ZMYM6: variants seen among roughly 807,000 people sequenced by gnomAD.
ZMYM6 encodes the protein zinc finger MYM-type containing 6, also known as zinc finger MYM-type protein 6.
ZMYM6 carries 90 observed loss-of-function variants against 134.0 expected under a neutral mutation model. The ratio of observed to expected loss-of-function variants is 0.67; its 90% CI spans 0.57 to 0.80. ZMYM6 has a LOEUF of 0.80. Ranked by LOEUF, ZMYM6 falls within the 30% of genes least tolerant of loss-of-function variation. The probability of loss-of-function intolerance (pLI) is 0.00; values close to 1 mark genes in which losing one functional copy is unlikely to be tolerated. For synonymous variants in ZMYM6, 481 were observed against 524.1 expected (o/e 0.92, Z 1.12); for missense variants, 1,362 against 1,533.9 (o/e 0.89, Z 1.87).
intron 15 of ZMYM6, among the ~76,000 whole-genome samples, chr1:34,991,221 TAC>T (rs1219268335): frequency 6.6e-6 from 1 of 151,668 alleles, no homozygotes; most frequent in African/African-American, 2.4e-5. Flanking sequence ...CACACAAACA[TAC>T]ACACACACAT....
chr1:35,000,280 C>G (rs149711454), intron 14 of ZMYM6, among the ~76,000 whole-genome samples: 1 of 150,502 alleles, frequency 6.6e-6, no homozygotes, highest in East Asian at 2.0e-4. Flanking sequence ...GTCTCTGTCA[C>G]CCAAGCTGGA....
intron 2 of ZMYM6, among the ~76,000 whole-genome samples, chr1:35,027,734 CA>C (rs1557591179): frequency 6.7e-6 from 1 of 149,436 alleles, no homozygotes; most frequent in Non-Finnish European, 1.5e-5. Context: ...AAAAAGGAAA[CA>C]AAAAAAAGAG....
intron 6 of ZMYM6, chr1:35,013,642 T>A (rs1365400826): frequency 1.0e-6 from 1 of 985,256 alleles, no homozygotes; most frequent in African/African-American, 1.7e-5. Flanking sequence ...ACTTGCTAAC[T>A]GAAAAAAAGT....
chr1:35,007,460 C>G (rs961385082), intron 11 of ZMYM6, among the ~76,000 whole-genome samples: 1 of 152,022 alleles, frequency 6.6e-6, no homozygotes, highest in African/African-American at 2.4e-5. Flanking sequence ...TGGTGGCGCA[C>G]GCCTGTAATC....
intron 2 of ZMYM6, among the ~76,000 whole-genome samples, chr1:35,029,938 C>T (rs1239296596): frequency 3.9e-5 from 6 of 152,178 alleles, no homozygotes; most frequent in African/African-American, 1.2e-4. Flanking sequence ...ATAAGCTCTA[C>T]AAGGGAAGGG....
In ZMYM6 at chr1:35,012,069, T is replaced by TATC. The variant is rs1437629040; in HGVS notation, c.947-65_947-64insGAT. 1.3e-5 allele frequency: 13 copies of TATC among 1,004,226 alleles called. No individual in the cohort carries two copies. In the Admixed American group the frequency reaches 3.2e-4, roughly 25 times the overall value. 62.2% of individuals were successfully genotyped at this position (1,004,226 alleles called of 1,614,324 possible). A position where few individuals can be genotyped will look rare whatever the true frequency, so the allele number is the denominator to read the frequency against. ...CCAATGAACAAACAATACAAAAATG[T>TATC]ATTGGGAGAATGAAAAAATTAAATA... On this transcript the variant is annotated intron_variant, in intron 7 of 15. Coordinates refer to ENST00000357182, the MANE Select transcript of ZMYM6 (RefSeq NM_007167.4).
chr1:35,014,988 A>C lies in ZMYM6; in HGVS notation c.603T>G (p.Asp201Glu), dbSNP rs767734774. The change falls in exon 5 of 16, where the codon GAT becomes GAG. Residue 201 changes from aspartate to glutamate, a missense_variant and splice_region_variant. Transcript: ENST00000357182. ...CCAATAAAAGTAAAATGTAACTTACATCAGCATTCTTCTGACACATACTGC... is the reference window on the plus strand; with the variant it reads ...CCAATAAAAGTAAAATGTAACTTACCTCAGCATTCTTCTGACACATACTGC... ...TKCSMCQKNA[D>E]TRFEVKYQNV... The C allele has an allele frequency of 1.2e-6, 2 of 1,610,578 alleles. No homozygotes were observed. The highest frequency in any genetic ancestry group is 1.7e-5 in the Admixed American group (1 of 58,586).
rs370499824 is a variant in ZMYM6 at position 34,988,847 on chromosome 1, A to G, written c.2235T>C (p.Asp745=). 2.6e-5 allele frequency: 41 copies of G among 1,594,414 alleles called. No individual in the cohort carries two copies. In the African/African-American group the frequency reaches 5.0e-4, roughly 19 times the overall value. ...TAAAACCAACTTTTAAATATTCTGT[A>G]TCATAAGTCTGGAAAAAACCTAATC... ...KKRLGFFQTY[D]TEYLKVGFII... The change falls in exon 16 of 16, where the codon GAT becomes GAC. Residue 745 remains aspartate (D), a synonymous_variant. Transcript: ENST00000357182.
At chr1:34,993,187 C>G (rs1242256301) in intron 14 of ZMYM6, among the ~76,000 whole-genome samples, 1 of 151,302 alleles carries the variant, frequency 6.6e-6, no homozygotes, top group Non-Finnish European at 1.5e-5. Context: ...TCTCAGCTCA[C>G]TGCAACCTTC....
rs1300787228 is a variant in ZMYM6 at position 35,015,041 on chromosome 1, T to C, written c.550A>G (p.Ile184Val). Residue 184 changes from isoleucine (I) to valine (V), a missense_variant, in exon 5 of 16, where the codon ATA becomes GTA. Physicochemically the swap from Ile to Val is conservative, Grantham distance 29. Transcript: ENST00000357182. ...TTAGTTGAAATGCTTTTGGTATATA[T>C]GGTAACAACAGGTTTTTTCTTTAGC... ...YELKKKPVVT[I>V]YTKSISTKCS... 2 of 1,613,748 alleles carry C rather than the reference T, an allele frequency of 1.2e-6. No individual in the cohort carries two copies. Among genetic ancestry groups the C allele is most frequent in the Non-Finnish European group, 1.7e-6 (2 of 1,179,938 alleles).
chr1:34,999,223 G>A (rs948334181), intron 14 of ZMYM6, among the ~76,000 whole-genome samples: 5 of 152,176 alleles, frequency 3.3e-5, no homozygotes, highest in African/African-American at 9.7e-5. Context: ...AAGAAAGGAG[G>A]AAAGAGTGAC....
At chr1:34,996,434 TTC>T (rs1419810590) in intron 14 of ZMYM6, among the ~76,000 whole-genome samples, 1 of 152,230 alleles carries the variant, frequency 6.6e-6, no homozygotes, top group Non-Finnish European at 1.5e-5. Flanking sequence ...AATTCAAAGA[TTC>T]ACGTAATACA....
At chr1:35,022,745 AT>A (rs141534436) in intron 2 of ZMYM6, among the ~76,000 whole-genome samples, 4,992 of 152,246 alleles carry the variant, frequency 0.033, 242 homozygotes, top group African/African-American at 0.1. Flanking sequence ...TATTTGGATA[AT>A]TTGATTAATG....
intron 4 of ZMYM6, among the ~76,000 whole-genome samples, chr1:35,015,791 A>G (rs2148456041): frequency 6.7e-6 from 1 of 148,952 alleles, no homozygotes; most frequent in South Asian, 2.1e-4. Context: ...AGACAAAAAT[A>G]GGAAGGCTTC....
chr1:35,030,651 A>G lies in ZMYM6; in HGVS notation c.-12T>C. ...AAAGGTTCTTTCATTCTAATTTTTT[A>G]CCTCAAAGAGTGTCTCAGGCTCAAA... On this transcript the variant is annotated 5_prime_UTR_variant, in exon 2 of 16. The change abolishes the stop of an existing upstream ORF in the 5' untranslated region. Coordinates refer to ENST00000357182, the MANE Select transcript of ZMYM6 (RefSeq NM_007167.4). The G allele has an allele frequency of 2.5e-6, 4 of 1,611,022 alleles. No individual in the cohort carries two copies. Among genetic ancestry groups the G allele is most frequent in the Non-Finnish European group, 3.4e-6 (4 of 1,179,250 alleles).
intron 6 of ZMYM6, chr1:35,012,784 A>G: frequency 3.0e-6 from 3 of 985,330 alleles, no homozygotes; most frequent in Non-Finnish European, 3.6e-6. Context: ...ATTAGTAACT[A>G]TTCAGATAGA....
intron 10 of ZMYM6, among the ~76,000 whole-genome samples, chr1:35,009,422 C>T (rs1185511744): frequency 6.6e-6 from 1 of 152,000 alleles, no homozygotes; most frequent in Non-Finnish European, 1.5e-5. Flanking sequence ...TTTAAATATA[C>T]TCTAAATATT....
chr1:35,020,568 CTTTTT>C (rs942213398), intron 2 of ZMYM6, 101 bp from the exon 3 acceptor site: 317 of 241,168 alleles, frequency 1.3e-3, no homozygotes, highest in East Asian at 3.4e-3. Context: ...TATTCATCTC[CTTTTT>C]TTTTTTTTTT....
chr1:35,028,644 C>T (rs1203963321), intron 2 of ZMYM6, among the ~76,000 whole-genome samples: 2 of 151,504 alleles, frequency 1.3e-5, no homozygotes, highest in Non-Finnish European at 2.9e-5. Context: ...GGACTACAGG[C>T]GCCCACCACC....
Sources: allele counts gnomAD v4.1 joint callset (sites outside exome capture counted in the v4.1 genomes callset), GRCh38; gene constraint gnomAD v4.1.1; transcripts MANE v1.5; gene names NCBI Gene and HGNC (gene_info 2026-07-23, HGNC 2026-07-21).